ZNF679: variants seen among roughly 807,000 people sequenced by gnomAD.
The protein encoded by ZNF679 is zinc finger protein 679, also known as hypothetical protein MGC42415.
Under a neutral mutation model 13.4 loss-of-function variants are expected in ZNF679, and 10 were observed. That is an observed-to-expected ratio of 0.75 (90% confidence interval 0.46 to 1.27). The LOEUF is 1.27. Among genes scored for constraint, ZNF679 ranks in the 50% most tolerant of loss-of-function variants. The pLI, the probability that ZNF679 is intolerant of heterozygous loss-of-function variation, is 0.00. For missense variants in ZNF679, 525 were observed against 477.8 expected (o/e 1.10, Z -0.92); for synonymous variants, 179 against 162.5 (o/e 1.10, Z -0.77).
At chr7:64,258,934 G>A (rs772799739) in intron 2 of ZNF679, among the ~76,000 whole-genome samples, 29 of 151,486 alleles carry the variant, frequency 1.9e-4, no homozygotes, top group Admixed American at 9.2e-4. Context: ...TTTTGAGACC[G>A]AGTTTTCACT....
At chr7:64,230,580 G>A (rs989383818) in intron 1 of ZNF679, among the ~76,000 whole-genome samples, 18 of 151,338 alleles carry the variant, frequency 1.2e-4, no homozygotes, top group South Asian at 4.2e-4. Flanking sequence ...GCCAAGAACA[G>A]GAGAGTAATA....
chr7:64,234,661 A>G (rs1266304790), intron 1 of ZNF679, among the ~76,000 whole-genome samples: 1 of 152,200 alleles, frequency 6.6e-6, no homozygotes, highest in African/African-American at 2.4e-5. Flanking sequence ...CATAGAGCCC[A>G]ACGGAGTCTT....
rs1446287167 is a variant in ZNF679 at position 64,266,806 on chromosome 7, G to A, written c.1173G>A (p.Trp391Ter). 6.2e-7 allele frequency: 1 copy of A among 1,603,862 alleles called. No individual in the cohort carries two copies. Among genetic ancestry groups the A allele is most frequent in the Non-Finnish European group, 8.5e-7 (1 of 1,174,742 alleles). The stretch of plus-strand genomic sequence containing the variant: ...AAGAATGTGACAAAGCTTTTAAGTG[G>A]TCCTCAAGTCTTGCTAATCATAAGA... ...KCEECDKAFKWSSSLANHKSM... is the reference protein window; with the variant it reads ...KCEECDKAFK Residue 391 changes from tryptophan (W) to a stop codon, truncating the protein, a stop_gained, in exon 5 of 5, where the codon TGG becomes TGA. Transcript: ENST00000421025. LOFTEE classifies it low-confidence loss of function (END_TRUNC).
intron 1 of ZNF679, among the ~76,000 whole-genome samples, chr7:64,236,606 G>A (rs562609428): frequency 4.6e-5 from 7 of 152,070 alleles, no homozygotes; most frequent in South Asian, 2.1e-4. Flanking sequence ...CCAAAATGGC[G>A]AAACCTCATC....
chr7:64,242,768 ATT>A (rs55654659), intron 1 of ZNF679, among the ~76,000 whole-genome samples: 14 of 148,950 alleles, frequency 9.4e-5, no homozygotes, highest in South Asian at 8.5e-4. Flanking sequence ...ATCACCTGTG[ATT>A]TTTTTTTTTT....
intron 1 of ZNF679, among the ~76,000 whole-genome samples, chr7:64,240,596 T>C (rs376878444): frequency 2.0e-5 from 3 of 152,120 alleles, no homozygotes; most frequent in Admixed American, 1.3e-4. Flanking sequence ...CCCTCACACA[T>C]AGTCAGTGGT....
chr7:64,234,351 T>G (rs1411807144), intron 1 of ZNF679, among the ~76,000 whole-genome samples: 6 of 152,178 alleles, frequency 3.9e-5, no homozygotes, highest in African/African-American at 1.4e-4. Flanking sequence ...TCTAGAGAGC[T>G]TTCTCTGGCC....
intron 2 of ZNF679, 28 bp downstream of exon 2, chr7:64,249,184 G>A: frequency 6.2e-7 from 1 of 1,614,118 alleles, no homozygotes. Flanking sequence ...CACCGTGAGA[G>A]AGGGGTGAGG....
intron 1 of ZNF679, among the ~76,000 whole-genome samples, chr7:64,230,054 A>T (rs1337753650): frequency 6.6e-6 from 1 of 152,214 alleles, no homozygotes; most frequent in Admixed American, 6.5e-5. Flanking sequence ...ATTTGGGTGC[A>T]GGATCCAGCG....
rs1185049355 is a variant in ZNF679, at chr7:64,266,697, A to T, written c.1064A>T (p.Lys355Ile). 6.2e-7 allele frequency: 1 copy of T among 1,613,472 alleles called. No individual in the cohort carries two copies. Among genetic ancestry groups the T allele is most frequent in the Non-Finnish European group, 8.5e-7 (1 of 1,179,702 alleles). The change falls in exon 5 of 5, where the codon AAA becomes ATA. Residue 355 changes from lysine to isoleucine, a missense_variant. Physicochemically the swap from Lys to Ile is moderately radical, Grantham distance 102. Coordinates refer to ENST00000421025, the MANE Select transcript of ZNF679 (RefSeq NM_153363.3). ...IHTGEKPYKC[K>I]ECGKAFAFSS... The stretch of plus-strand genomic sequence containing the variant: ...ACTGGAGAGAAACCCTACAAATGTA[A>T]AGAATGTGGGAAAGCCTTTGCCTTC...
rs372896063 is a variant in ZNF679 at position 64,245,421 on chromosome 7, AAGAGAGAG to A, written c.-90-3592_-90-3585del. Among the ~76,000 whole-genome samples, 5 of 81,376 alleles carry A rather than the reference AAGAGAGAG, an allele frequency of 6.1e-5. No homozygotes were observed. In the East Asian group the frequency reaches 1.6e-3, roughly 27 times the overall value. The allele number at this position is 81,376 out of a possible 152,430, so 53.4% of individuals were successfully genotyped here. Reference sequence around the variant, plus strand: ...AAAAGATAGGAAAGGGAGAGAGAGAAAGAGAGAGAGAGAGAGAGAGAGGGAGAGAGAGA... The same window carrying A: ...AAAAGATAGGAAAGGGAGAGAGAGAAAGAGAGAGAGAGAGGGAGAGAGAGA... On this transcript the variant is annotated intron_variant, in intron 1 of 4. Coordinates refer to ENST00000421025, the MANE Select transcript of ZNF679 (RefSeq NM_153363.3).
chr7:64,253,484 C>A (rs761928026), intron 2 of ZNF679, among the ~76,000 whole-genome samples: 1 of 152,050 alleles, frequency 6.6e-6, no homozygotes, highest in Non-Finnish European at 1.5e-5. Flanking sequence ...AGCTGGGGAC[C>A]CACAGGCAGA....
At chr7:64,238,446 G>A (rs1223979858) in intron 1 of ZNF679, among the ~76,000 whole-genome samples, 1 of 152,092 alleles carries the variant, frequency 6.6e-6, no homozygotes, top group East Asian at 1.9e-4. Flanking sequence ...GGAGTGCAGT[G>A]GTGCGATCTC....
At chr7:64,260,989 G>A (rs1788069679) in intron 4 of ZNF679, 60 bp downstream of exon 4, 13 of 1,503,740 alleles carry the variant, frequency 8.6e-6, no homozygotes, top group South Asian at 5.0e-5. Context: ...CAAGGAGGAA[G>A]CCAGTCCTTA....
At chr7:64,252,643 T>A (rs1787957569) in intron 2 of ZNF679, among the ~76,000 whole-genome samples, 1 of 152,228 alleles carries the variant, frequency 6.6e-6, no homozygotes, top group Non-Finnish European at 1.5e-5. Flanking sequence ...TTACATAGAT[T>A]CATCAAAACA....
chr7:64,266,632 T>C lies in ZNF679; in HGVS notation c.999T>C (p.Phe333=). The change falls in exon 5 of 5, where the codon TTT becomes TTC. Residue 333 remains phenylalanine, a synonymous_variant. Transcript: ENST00000421025. ...CATGTGAAGAATGTGGCAAAGCCTT[T>C]AACTGCTCCTCAACCCTTAAGAAAC... The part of the protein sequence containing the change: ...PYTCEECGKA[F]NCSSTLKKHK... 1 of 1,610,654 alleles carries C rather than the reference T, an allele frequency of 6.2e-7. No individual in the cohort carries two copies. Among genetic ancestry groups the C allele is most frequent in the Non-Finnish European group, 8.5e-7 (1 of 1,177,150 alleles).
At chr7:64,247,804 G>T (rs1787888191) in intron 1 of ZNF679, among the ~76,000 whole-genome samples, 1 of 151,642 alleles carries the variant, frequency 6.6e-6, no homozygotes, top group Admixed American at 6.6e-5. Context: ...GACCACCTCG[G>T]CCACTGAAAG....
Position 64,266,278 on chromosome 7 carries a change from A to G in ZNF679, c.645A>G (p.Glu215=), listed in dbSNP as rs1377589002. 6.3e-7 allele frequency: 1 copy of G among 1,597,396 alleles called. No homozygotes were observed. Among genetic ancestry groups the G allele is most frequent in the South Asian group, 1.1e-5 (1 of 89,754 alleles). The change falls in exon 5 of 5, where the codon GAA becomes GAG. Residue 215 remains glutamate, a synonymous_variant. Transcript: ENST00000421025. The part of the protein sequence containing the change: ...IHTRENSYQC[E]ECGKPFNCSS... ...CTAGGGAGAATTCCTACCAATGTGA[A>G]GAATGCGGCAAACCCTTCAACTGCT...
chr7:64,246,773 G>GGGAA (rs140164903), intron 1 of ZNF679, among the ~76,000 whole-genome samples: 37 of 150,766 alleles, frequency 2.5e-4, no homozygotes, highest in Admixed American at 1.2e-3. Flanking sequence ...GAAGGAAGGA[G>GGGAA]GGAAGGAAGG....
Sources: allele counts gnomAD v4.1 joint callset (sites outside exome capture counted in the v4.1 genomes callset), GRCh38; gene constraint gnomAD v4.1.1; transcripts MANE v1.5; gene names NCBI Gene and HGNC (gene_info 2026-07-23, HGNC 2026-07-21).